The following SHISAL1 variants were observed in gnomAD, a reference collection of about 807,000 sequenced individuals.
SHISAL1 encodes the protein shisa like 1.
Under a neutral mutation model 22.6 loss-of-function variants are expected in SHISAL1, and 9 were observed. The observed-to-expected ratio is 0.40, with a 90% confidence interval of 0.24 to 0.70. The LOEUF (loss-of-function observed/expected upper bound fraction) is 0.70. Ranked by LOEUF, SHISAL1 falls within the 30% of genes least tolerant of loss-of-function variation. The pLI is 0.39. For missense variants in SHISAL1, 246 were observed against 270.6 expected, an observed-to-expected ratio of 0.91 and a Z score of 0.64; for synonymous variants, 119 against 115.4, an observed-to-expected ratio of 1.03 and a Z score of -0.20.
chr22:44,323,006 T>G, the SHISAL1 span, among the ~76,000 whole-genome samples: 8 of 115,854 alleles, frequency 6.9e-5, no homozygotes, highest in African/African-American at 2.7e-4. Context: ...ATCCACCCAT[T>G]CATCCATCCA....
rs1303302285 is a variant in SHISAL1 at position 44,267,496 on chromosome 22, C to G, written c.*-17811G>C. 2.6e-5 allele frequency among the ~76,000 whole-genome samples: 4 copies of G among 152,198 alleles called. No homozygotes were observed. The South Asian group carries it at 6.2e-4, about 24-fold the overall frequency. Reference sequence around the variant, plus strand: ...CCCACCACCACCCTCAGCCAAGCCACAGACATGGCTGCAGCTCGTGGGAGA... The same window carrying G: ...CCCACCACCACCCTCAGCCAAGCCAGAGACATGGCTGCAGCTCGTGGGAGA... On this transcript the variant is annotated intron_variant, in intron 4 of 4. Coordinates refer to ENST00000381176, the MANE Select transcript of SHISAL1 (RefSeq NM_001099294.2).
chr22:44,274,056 C>G (rs980542022), intron 4 of SHISAL1, among the ~76,000 whole-genome samples: 33 of 148,742 alleles, frequency 2.2e-4, no homozygotes, highest in South Asian at 1.1e-3. Context: ...CCGGCCCCCC[C>G]CTCCCCCCCA....
intron 4 of SHISAL1, among the ~76,000 whole-genome samples, chr22:44,272,712 G>A (rs1006432181): frequency 2.6e-5 from 4 of 152,312 alleles, no homozygotes; most frequent in South Asian, 4.1e-4. Context: ...GCAAAGGGCC[G>A]ATGAATTGGC....
chr22:44,276,481 G>T (rs1452850832), intron 4 of SHISAL1, among the ~76,000 whole-genome samples: 1 of 151,922 alleles, frequency 6.6e-6, no homozygotes, highest in East Asian at 1.9e-4. Flanking sequence ...GACAAAGGCT[G>T]GTGTCAGGGA....
rs752606687 is a variant in SHISAL1, at chr22:44,243,777, T to C, written c.*5908A>G. On this transcript the variant is annotated 3_prime_UTR_variant, in exon 5 of 5. Coordinates refer to ENST00000381176, the MANE Select transcript of SHISAL1 (RefSeq NM_001099294.2). Reference sequence around the variant, plus strand: ...CAGCGGTCAGTGAAAAACACATGATTATTCTTACATTCTAGTATTATTATT... The same window carrying C: ...CAGCGGTCAGTGAAAAACACATGATCATTCTTACATTCTAGTATTATTATT... 3 of 152,218 alleles carry C rather than the reference T, an allele frequency of 2.0e-5. No homozygotes were observed. The highest frequency in any genetic ancestry group is 6.5e-5 in the Admixed American group (1 of 15,280). 9.4% of individuals were successfully genotyped at this position (152,218 alleles called of 1,614,324 possible).
intron 4 of SHISAL1, among the ~76,000 whole-genome samples, chr22:44,275,311 G>A (rs766305769): frequency 2.6e-5 from 4 of 152,146 alleles, no homozygotes; most frequent in Admixed American, 6.5e-5. Context: ...AACCAACCAC[G>A]CACCCCAACC....
At chr22:44,279,213 C>T (rs765569978) in intron 4 of SHISAL1, among the ~76,000 whole-genome samples, 5 of 152,174 alleles carry the variant, frequency 3.3e-5, no homozygotes, top group African/African-American at 4.8e-5. Context: ...GGAGGGAACG[C>T]GCGCCTTCTT....
At chr22:44,270,354 C>G (rs971307615) in intron 4 of SHISAL1, among the ~76,000 whole-genome samples, 1 of 152,220 alleles carries the variant, frequency 6.6e-6, no homozygotes, top group Non-Finnish European at 1.5e-5. Context: ...GGGGACACAT[C>G]TGGGCTCAAG....
rs2055287695 is a variant in SHISAL1 at position 44,283,072 on chromosome 22, A to AACTG, written c.599+2352_599+2355dup. ...CTCACGTTGGTTCCTCAACTGGCAA[A>AACTG]ACTGAAGCCCAAAAAGGAAGCTCCT... On this transcript the variant is annotated intron_variant, in intron 4 of 4. Coordinates refer to ENST00000381176, the MANE Select transcript of SHISAL1 (RefSeq NM_001099294.2). Among the ~76,000 whole-genome samples, 3 of 152,316 alleles carry AACTG rather than the reference A, an allele frequency of 2.0e-5. No homozygotes were observed. In the South Asian group the frequency reaches 6.2e-4, roughly 32 times the overall value.
chr22:44,320,918 C>T, the SHISAL1 span, among the ~76,000 whole-genome samples: 27,371 of 152,214 alleles, frequency 0.18, 2,583 homozygotes, highest in East Asian at 0.29. Flanking sequence ...TTCTTCCATA[C>T]GGAAAGTGCT....
intron 4 of SHISAL1, among the ~76,000 whole-genome samples, chr22:44,281,389 G>T (rs1388547883): frequency 1.3e-5 from 2 of 152,110 alleles, no homozygotes; most frequent in Non-Finnish European, 2.9e-5. Context: ...TGGTGGGAGG[G>T]CCTGGCTGGG....
At chr22:44,300,814 G>GA in intron 2 of SHISAL1, 65 bp downstream of exon 2, 6 of 1,407,062 alleles carry the variant, frequency 4.3e-6, no homozygotes, top group Non-Finnish European at 6.0e-6. Context: ...GGGCCAGCAC[G>GA]AATCTCAGGA....
chr22:44,315,897 A>G (rs914827850), upstream of SHISAL1, among the ~76,000 whole-genome samples: 9 of 152,062 alleles, frequency 5.9e-5, no homozygotes, highest in Admixed American at 2.0e-4. Context: ...TGATTCCGCA[A>G]TGGCAGGATG....
At position 44,249,176 on chromosome 22, in the gene SHISAL1, C is replaced by T. The variant is rs185539476; in HGVS notation, c.*509G>A. 9.0e-4 allele frequency: 137 copies of T among 152,650 alleles called. No individual in the cohort carries two copies. The highest frequency in any genetic ancestry group is 1.4e-3 in the Non-Finnish European group (98 of 68,460). The allele number at this position is 152,650 out of a possible 1,614,324, so 9.5% of individuals were successfully genotyped here. ...ATCAGAGAACTTGAGGGGGGAAGCC[C>T]CAATAAAAACCAACCAACCAAGCAA... On this transcript the variant is annotated 3_prime_UTR_variant, in exon 5 of 5. Transcript: ENST00000381176.
Position 44,246,454 on chromosome 22 carries a change from CAGGT to C in SHISAL1, c.*3227_*3230del, listed in dbSNP as rs1463754764. 1 of 152,138 alleles carries C rather than the reference CAGGT, an allele frequency of 6.6e-6. No individual in the cohort carries two copies. Among genetic ancestry groups the C allele is most frequent in the African/African-American group, 2.4e-5 (1 of 41,418 alleles). 9.4% of individuals were successfully genotyped at this position (152,138 alleles called of 1,614,324 possible). On this transcript the variant is annotated 3_prime_UTR_variant, in exon 5 of 5. Transcript: ENST00000381176. Reference sequence around the variant, plus strand: ...AGTAAAAGTAGGCAGCTTAAAAAATCAGGTTGAGTTGCTAAAAAACAGTAACTCT... The same window carrying C: ...AGTAAAAGTAGGCAGCTTAAAAAATCTGAGTTGCTAAAAAACAGTAACTCT...
At chr22:44,296,919 C>T (rs1569222474) in intron 2 of SHISAL1, 34 bp from the exon 3 acceptor site, 1 of 1,554,596 alleles carries the variant, frequency 6.4e-7, no homozygotes, top group Non-Finnish European at 8.8e-7. Flanking sequence ...CAGAGGGGTC[C>T]CTCACCAGTC....
chr22:44,305,017 C>T (rs1161999769), intron 1 of SHISAL1, among the ~76,000 whole-genome samples: 2 of 152,108 alleles, frequency 1.3e-5, no homozygotes, highest in East Asian at 1.9e-4. Flanking sequence ...GCTGATGTTG[C>T]GGGGCTGATG....
At chr22:44,299,130 C>G (rs967241685) in intron 2 of SHISAL1, among the ~76,000 whole-genome samples, 1 of 152,154 alleles carries the variant, frequency 6.6e-6, no homozygotes, top group African/African-American at 2.4e-5. Context: ...AGGGGCCCTA[C>G]GAGCACTAGA....
At chr22:44,296,979 C>T (rs1601799623) in intron 2 of SHISAL1, 94 bp from the exon 3 acceptor site, 1 of 921,344 alleles carries the variant, frequency 1.1e-6, no homozygotes, top group East Asian at 2.4e-5. Flanking sequence ...TCAGGTCCTG[C>T]CTGCTTCTTC....
Sources: allele counts gnomAD v4.1 joint callset (sites outside exome capture counted in the v4.1 genomes callset), GRCh38; gene constraint gnomAD v4.1.1; transcripts MANE v1.5; gene names NCBI Gene and HGNC (gene_info 2026-07-23, HGNC 2026-07-21).